ITSN1: variants seen among roughly 807,000 people sequenced by gnomAD.
The protein encoded by ITSN1 is intersectin 1.
In ITSN1, 58 loss-of-function variants were observed where a neutral mutation model predicts 239.8. The ratio of observed to expected loss-of-function variants is 0.24; its 90% CI spans 0.20 to 0.30. The LOEUF is 0.30. ITSN1 is among the 10% of genes least tolerant of loss of function. The pLI, the probability that ITSN1 is intolerant of heterozygous loss-of-function variation, is 1.00. For missense variants in ITSN1, 1,558 were observed against 2,103.3 expected (o/e 0.74, Z 5.07); for synonymous variants, 780 against 770.8 (o/e 1.01, Z -0.20).
intron 29 of ITSN1, among the ~76,000 whole-genome samples, chr21:33,849,902 C>CA (rs1311996654): frequency 6.6e-6 from 1 of 152,054 alleles, no homozygotes; most frequent in Non-Finnish European, 1.5e-5. Flanking sequence ...CCTTTGTACC[C>CA]AAAAAACTTA....
chr21:33,669,442 GTT>G (rs34272483), intron 1 of ITSN1, among the ~76,000 whole-genome samples: 5 of 139,852 alleles, frequency 3.6e-5, no homozygotes, highest in African/African-American at 7.9e-5. Context: ...TTTCATTTAA[GTT>G]TTTTTTTTTT....
chr21:33,801,491 C>T (rs1234459145), intron 19 of ITSN1, among the ~76,000 whole-genome samples: 1 of 152,120 alleles, frequency 6.6e-6, no homozygotes, highest in Non-Finnish European at 1.5e-5. Context: ...GAGACAGGGT[C>T]TCACTCTGTC....
chr21:33,860,580 T>G (rs1337529318), intron 31 of ITSN1, among the ~76,000 whole-genome samples: 2 of 152,182 alleles, frequency 1.3e-5, no homozygotes, highest in Non-Finnish European at 2.9e-5. Context: ...CCTGCGTGCT[T>G]CTTCCTCCTG....
At chr21:33,815,321 T>A (rs540087233) in intron 22 of ITSN1, among the ~76,000 whole-genome samples, 1 of 152,250 alleles carries the variant, frequency 6.6e-6, no homozygotes, top group East Asian at 1.9e-4. Flanking sequence ...AATGGTACTT[T>A]CCTTTGCATC....
intron 1 of ITSN1, among the ~76,000 whole-genome samples, chr21:33,690,396 G>C (rs1188496271): frequency 6.6e-6 from 1 of 151,676 alleles, no homozygotes; most frequent in Admixed American, 6.6e-5. Context: ...TCAGGAGATC[G>C]AGACCATCCT....
chr21:33,843,991 A>G (rs376275086), intron 29 of ITSN1, among the ~76,000 whole-genome samples: 1 of 152,270 alleles, frequency 6.6e-6, no homozygotes, highest in African/African-American at 2.4e-5. Context: ...AAACCAAAAC[A>G]GCAGGTAGGT....
intron 21 of ITSN1, among the ~76,000 whole-genome samples, chr21:33,811,841 C>T (rs78320367): frequency 0.017 from 2,659 of 152,216 alleles, 82 homozygotes; most frequent in African/African-American, 0.059. Flanking sequence ...GTTATAGGGC[C>T]ATGACCTAGA....
intron 1 of ITSN1, among the ~76,000 whole-genome samples, chr21:33,659,705 C>CTTTTTTTTTTTTTTTTT (rs71194859): frequency 1.3e-5 from 1 of 76,608 alleles, no homozygotes; most frequent in Non-Finnish European, 2.3e-5. Context: ...GCAGCCTGTA[C>CTTTTTTTTTTTTTTTTT]TTTTTTTTTT....
intron 16 of ITSN1, among the ~76,000 whole-genome samples, chr21:33,784,310 AACACACACACAC>A (rs58496273): frequency 0.011 from 1,456 of 134,206 alleles, 18 homozygotes; most frequent in South Asian, 0.031. Context: ...GTCTCTACAA[AACACACACACAC>A]ACACACACAC....
In ITSN1 at chr21:33,750,217, G is replaced by A. The variant is rs1458649658; in HGVS notation, c.421G>A (p.Gly141Arg). 2.5e-6 allele frequency: 4 copies of A among 1,614,008 alleles called. No individual in the cohort carries two copies. Among genetic ancestry groups the A allele is most frequent in the South Asian group, 2.2e-5 (2 of 91,086 alleles). The change falls in exon 6 of 40, where the codon GGA becomes AGA. Residue 141 changes from glycine (G) to arginine (R), a missense_variant. Physicochemically the swap from Gly to Arg is moderately radical, Grantham distance 125 (BLOSUM62 -2). Transcript: ENST00000381318. ...PVPMGSIPVVGMSPTLVSSVP... is the reference protein window; with the variant it reads ...PVPMGSIPVVRMSPTLVSSVP... ...GCCAATGGGATCCATTCCAGTTGTTGGAATGTCTCCAACCCTAGTATCTTC... is the reference window on the plus strand; with the variant it reads ...GCCAATGGGATCCATTCCAGTTGTTAGAATGTCTCCAACCCTAGTATCTTC...
At chr21:33,724,674 G>T (rs1440494215) in intron 4 of ITSN1, among the ~76,000 whole-genome samples, 1 of 152,240 alleles carries the variant, frequency 6.6e-6, no homozygotes, top group African/African-American at 2.4e-5. Context: ...GAGGTGCTGC[G>T]GATATAGCAA....
intron 20 of ITSN1, among the ~76,000 whole-genome samples, chr21:33,803,478 A>T (rs367668183): frequency 1.3e-5 from 2 of 152,232 alleles, no homozygotes; most frequent in African/African-American, 4.8e-5. Context: ...AAAAAATACA[A>T]TGAAGATTAA....
chr21:33,837,623 G>A (rs1404588557), intron 29 of ITSN1: 3 of 985,808 alleles, frequency 3.0e-6, no homozygotes, highest in Non-Finnish European at 1.2e-6. Context: ...GCTTGTTTGT[G>A]TGTATCAGCT....
intron 31 of ITSN1, among the ~76,000 whole-genome samples, chr21:33,861,493 T>C (rs1354395904): frequency 2.0e-5 from 3 of 152,226 alleles, no homozygotes; most frequent in Admixed American, 6.5e-5. Context: ...GACTTCCTAC[T>C]AATGATGCCT....
In ITSN1 at chr21:33,886,549, A is replaced by G. The variant is rs1371495283; in HGVS notation, c.5017+89A>G. The G allele has an allele frequency of 2.5e-6, 3 of 1,214,606 alleles. No homozygotes were observed. In the Admixed American group the frequency reaches 8.3e-5, roughly 33 times the overall value. 75.2% of individuals were successfully genotyped at this position (1,214,606 alleles called of 1,614,324 possible). ...TTTTCTTACCTGGGGACTTGGTGCC[A>G]GGATTCCTTCGGTTTCCCTCCTGAG... On this transcript the variant is annotated intron_variant, in intron 39 of 39. Coordinates refer to ENST00000381318, the MANE Select transcript of ITSN1 (RefSeq NM_003024.3).
intron 4 of ITSN1, among the ~76,000 whole-genome samples, chr21:33,734,677 G>T (rs980283312): frequency 1.3e-5 from 2 of 152,004 alleles, no homozygotes; most frequent in African/African-American, 4.8e-5. Context: ...AAATTTACTC[G>T]TTTAAAGTAT....
chr21:33,816,640 A>C (rs1205060240), intron 22 of ITSN1, among the ~76,000 whole-genome samples: 3 of 152,176 alleles, frequency 2.0e-5, no homozygotes, highest in African/African-American at 7.2e-5. Flanking sequence ...AGGGGGAGAG[A>C]TTCTGAAATA....
chr21:33,729,234 T>G (rs956489977), intron 4 of ITSN1, among the ~76,000 whole-genome samples: 7 of 152,110 alleles, frequency 4.6e-5, no homozygotes, highest in Admixed American at 4.6e-4. Context: ...GAGGATCACT[T>G]GAGCCCAGGA....
intron 5 of ITSN1, among the ~76,000 whole-genome samples, chr21:33,744,018 C>A (rs1038451037): frequency 1.3e-5 from 2 of 152,092 alleles, no homozygotes; most frequent in Admixed American, 1.3e-4. Flanking sequence ...AATAGCTAGA[C>A]CTAGGTCATC....
Sources: allele counts gnomAD v4.1 joint callset (sites outside exome capture counted in the v4.1 genomes callset), GRCh38; gene constraint gnomAD v4.1.1; transcripts MANE v1.5; gene names NCBI Gene and HGNC (gene_info 2026-07-23, HGNC 2026-07-21).